The following SPI1 variants were observed in gnomAD, a reference collection of about 807,000 sequenced individuals.
The protein encoded by SPI1 is Spi-1 proto-oncogene, also known as transcription factor PU.1.
In SPI1, 3 loss-of-function variants were observed where a neutral mutation model predicts 30.7. That is an observed-to-expected ratio of 0.10 (90% CI 0.04 to 0.25). The LOEUF (loss-of-function observed/expected upper bound fraction) is 0.25, where lower values mean the gene tolerates loss of function less well. Ranked by LOEUF, SPI1 falls within the 10% of genes least tolerant of loss-of-function variation. The probability of loss-of-function intolerance (pLI) is 1.00; values close to 1 mark genes in which losing one functional copy is unlikely to be tolerated. For missense variants in SPI1, 261 were observed against 371.5 expected (o/e 0.70, Z 2.45); for synonymous variants, 169 against 157.1 (o/e 1.08, Z -0.56).
At chr11:47,370,409 A>G (rs886444078) in intron 2 of SPI1, among the ~76,000 whole-genome samples, 13 of 151,278 alleles carry the variant, frequency 8.6e-5, no homozygotes, top group African/African-American at 2.4e-4. Flanking sequence ...CTCAAAAAAA[A>G]GAAAAAAAAA....
rs529851864 is a variant in SPI1 at position 47,372,391 on chromosome 11, T to A, written c.142+3242A>T. Among the ~76,000 whole-genome samples the A allele has an allele frequency of 2.0e-5, 3 of 152,048 alleles. No individual in the cohort carries two copies. In the South Asian group the frequency reaches 6.2e-4, roughly 32 times the overall value. ...AGGCATGAGCCACCACGCCCCAGCC[T>A]ATTTAATTCCTTATGTCCCCATCCC... On this transcript the variant is annotated intron_variant, in intron 2 of 4. Coordinates refer to ENST00000378538, the MANE Select transcript of SPI1 (RefSeq NM_003120.3).
At chr11:47,356,786 TCA>T (rs777486449) in intron 4 of SPI1, among the ~76,000 whole-genome samples, 11 of 146,316 alleles carry the variant, frequency 7.5e-5, no homozygotes, top group Non-Finnish European at 1.5e-4. Context: ...TACCCACACC[TCA>T]CACACACTTG....
chr11:47,375,876 C>A lies in SPI1; in HGVS notation c.46-147G>T. ...GCCCTCCCTCTGCCTGGAACTGGGA[C>A]AGAGAGTGGGGCAGGGGACCCAGAA... is the stretch of plus-strand genomic sequence containing the variant. On this transcript the variant is annotated intron_variant, in intron 1 of 4. Coordinates refer to ENST00000378538, the MANE Select transcript of SPI1 (RefSeq NM_003120.3). This position sits in a 1 kb window ranked among gnomAD's most constrained non-coding sequence, Gnocchi z 4.2. The A allele has an allele frequency of 1.4e-6, 1 of 721,600 alleles. No homozygotes were observed. The highest frequency in any genetic ancestry group is 1.5e-5 in the South Asian group (1 of 66,230). The allele number at this position is 721,600 out of a possible 1,614,324, so 44.7% of individuals were successfully genotyped here. A position where few individuals can be genotyped will look rare whatever the true frequency, so the allele number is the denominator to read the frequency against.
chr11:47,356,636 AACAC>A (rs1254241218), intron 4 of SPI1, among the ~76,000 whole-genome samples: 3 of 151,228 alleles, frequency 2.0e-5, no homozygotes, highest in Non-Finnish European at 2.9e-5. Flanking sequence ...TGCTTGCACA[AACAC>A]ACCTGCTTAC....
chr11:47,355,667 C>T, intron 4 of SPI1, 121 bp from the exon 5 acceptor site: 2 of 794,942 alleles, frequency 2.5e-6, no homozygotes, highest in South Asian at 1.9e-5. Flanking sequence ...GGAACGGCTG[C>T]CCCAGCCCGC....
intron 2 of SPI1, among the ~76,000 whole-genome samples, chr11:47,369,569 A>AC (rs1287234111): frequency 2.6e-5 from 4 of 151,682 alleles, no homozygotes; most frequent in Admixed American, 1.3e-4. Context: ...AGAAAAAAAA[A>AC]AAACAACAAA....
chr11:47,359,227 A>C lies in SPI1; in HGVS notation c.331-221T>G, dbSNP rs1238509671. Reference sequence around the variant, plus strand: ...AGGGGTGCTGACATCCAGCCCACCCAGCCCTCCCAGCTGGGCCTCCTGGTT... The same window carrying C: ...AGGGGTGCTGACATCCAGCCCACCCCGCCCTCCCAGCTGGGCCTCCTGGTT... On this transcript the variant is annotated intron_variant, in intron 3 of 4. Coordinates refer to ENST00000378538, the MANE Select transcript of SPI1 (RefSeq NM_003120.3). The surrounding 1 kb of genome is among the most constrained non-coding windows in gnomAD (Gnocchi z 5.1). 2.0e-5 allele frequency among the ~76,000 whole-genome samples: 3 copies of C among 152,132 alleles called. No individual in the cohort carries two copies. The highest frequency in any genetic ancestry group is 4.4e-5 in the Non-Finnish European group (3 of 68,002).
intron 2 of SPI1, 52 bp from the exon 3 acceptor site, chr11:47,360,092 G>A: frequency 7.0e-7 from 1 of 1,420,594 alleles, no homozygotes; most frequent in Non-Finnish European, 9.4e-7. Context: ...GGGCAGGGCA[G>A]GAAAAGGTTA....
chr11:47,373,823 A>G (rs1271466608), intron 2 of SPI1, among the ~76,000 whole-genome samples: 1 of 152,126 alleles, frequency 6.6e-6, no homozygotes, highest in Non-Finnish European at 1.5e-5. Context: ...CTAGAGTCCC[A>G]CCTGAGATAT....
intron 4 of SPI1, among the ~76,000 whole-genome samples, chr11:47,356,808 A>T (rs2095910617): frequency 1.3e-5 from 2 of 148,576 alleles, no homozygotes; most frequent in Non-Finnish European, 3.0e-5. Flanking sequence ...GCACGCACAC[A>T]CCTGCTTACA....
At chr11:47,363,963 CAAAAAA>C (rs1161379136) in intron 2 of SPI1, among the ~76,000 whole-genome samples, 5 of 58,880 alleles carry the variant, frequency 8.5e-5, no homozygotes, top group Non-Finnish European at 1.2e-4. Flanking sequence ...ACTCGGTCTC[CAAAAAA>C]AAAAAAAAAA....
rs1046606006 is a variant in SPI1, at chr11:47,359,060, G to T, written c.331-54C>A. ...CAGGAAGGGCCAGCTTACAGCTCAG[G>T]GGGGCTGGGAGGGAGGTCAGCTGGG... On this transcript the variant is annotated intron_variant, in intron 3 of 4. Coordinates refer to ENST00000378538, the MANE Select transcript of SPI1 (RefSeq NM_003120.3). This position sits in a 1 kb window ranked among gnomAD's most constrained non-coding sequence, Gnocchi z 5.1. 64 of 1,486,816 alleles carry T rather than the reference G, an allele frequency of 4.3e-5. No individual in the cohort carries two copies. The highest frequency in any genetic ancestry group is 5.5e-5 in the Non-Finnish European group (61 of 1,115,780). The allele number at this position is 1,486,816 out of a possible 1,614,324, so 92.1% of individuals were successfully genotyped here. A position where few individuals can be genotyped will look rare whatever the true frequency, so the allele number is the denominator to read the frequency against.
intron 4 of SPI1, among the ~76,000 whole-genome samples, chr11:47,357,636 GC>G (rs1266442667): frequency 1.3e-5 from 2 of 151,988 alleles, no homozygotes; most frequent in African/African-American, 4.8e-5. Context: ...CACGATCTCG[GC>G]TCACTGCAAC....
At chr11:47,368,962 T>G (rs2095932044) in intron 2 of SPI1, among the ~76,000 whole-genome samples, 1 of 152,128 alleles carries the variant, frequency 6.6e-6, no homozygotes, top group Non-Finnish European at 1.5e-5. Flanking sequence ...AAAAGAGTAA[T>G]AGGCTGGGCA....
At chr11:47,371,825 C>T (rs551295164) in intron 2 of SPI1, among the ~76,000 whole-genome samples, 33 of 152,324 alleles carry the variant, frequency 2.2e-4, no homozygotes, top group Non-Finnish European at 4.0e-4. Context: ...CCATGGCCTT[C>T]GCCCTGCGTG....
In SPI1 at chr11:47,355,314, C is replaced by T. The variant is rs771523004; in HGVS notation, c.726G>A (p.Lys242=). ...LRNYGKTGEV[K]KVKKKLTYQF... The stretch of plus-strand genomic sequence containing the variant: ...GGTAGGTGAGCTTCTTCTTCACCTT[C>T]TTGACCTCGCCCGTCTTGCCGTAGT... The change falls in exon 5 of 5, where the codon AAG becomes AAA. Residue 242 remains lysine, a synonymous_variant. Coordinates refer to ENST00000378538, the MANE Select transcript of SPI1 (RefSeq NM_003120.3). 3.1e-6 allele frequency: 5 copies of T among 1,611,012 alleles called. No individual in the cohort carries two copies. Among genetic ancestry groups the T allele is most frequent in the South Asian group, 1.1e-5 (1 of 90,820 alleles).
rs1458622714 is a variant in SPI1 at position 47,374,039 on chromosome 11, G to A, written c.142+1594C>T. Among the ~76,000 whole-genome samples the A allele has an allele frequency of 2.0e-5, 3 of 152,208 alleles. No individual in the cohort carries two copies. The highest frequency in any genetic ancestry group is 6.5e-5 in the Admixed American group (1 of 15,272). On this transcript the variant is annotated intron_variant, in intron 2 of 4. Coordinates refer to ENST00000378538, the MANE Select transcript of SPI1 (RefSeq NM_003120.3). The surrounding 1 kb of genome is among the most constrained non-coding windows in gnomAD (Gnocchi z 4.5). ...AGAGGGATTGGGCCAGGGAGAATGC[G>A]TCCTTGTTGGAGGAGGCCTGACAGC...
chr11:47,358,182 C>A, intron 4 of SPI1: 1 of 241,962 alleles, frequency 4.1e-6, no homozygotes, highest in Non-Finnish European at 8.3e-6. Flanking sequence ...TCCACTGACA[C>A]ACACCTATGC....
chr11:47,361,629 A>G (rs2095920912), intron 2 of SPI1, among the ~76,000 whole-genome samples: 1 of 152,170 alleles, frequency 6.6e-6, no homozygotes, highest in African/African-American at 2.4e-5. Context: ...GAGGGCGCCT[A>G]CGAGACTCCA....
Sources: allele counts gnomAD v4.1 joint callset (sites outside exome capture counted in the v4.1 genomes callset), GRCh38; gene constraint gnomAD v4.1.1; non-coding constraint Gnocchi (gnomAD v3.1); transcripts MANE v1.5; gene names NCBI Gene and HGNC (gene_info 2026-07-23, HGNC 2026-07-21).